Variants in CSNK1G1 observed in about 807,000 individuals in gnomAD.
CSNK1G1 encodes casein kinase I isoform gamma-1.
Under a neutral mutation model 59.6 loss-of-function variants are expected in CSNK1G1, and 22 were observed. That is an observed-to-expected ratio of 0.37 (90% CI 0.26 to 0.53). CSNK1G1 has a LOEUF of 0.53. Among genes scored for constraint, CSNK1G1 ranks in the 20% least tolerant of loss-of-function variants. The probability of loss-of-function intolerance (pLI) is 0.89; values close to 1 mark genes in which losing one functional copy is unlikely to be tolerated. For synonymous variants in CSNK1G1, 179 were observed against 177.1 expected (o/e 1.01, Z -0.08); for missense variants, 384 against 519.5 (o/e 0.74, Z 2.54).
rs780071536 is a variant in CSNK1G1, at chr15:64,207,537, C to G, written c.737G>C (p.Arg246Pro). The change falls in exon 7 of 12, where the codon CGA becomes CCA. Residue 246 changes from arginine to proline, a missense_variant. Physicochemically the swap from Arg to Pro is moderately radical, Grantham distance 103. Coordinates refer to ENST00000303052, the MANE Select transcript of CSNK1G1 (RefSeq NM_022048.5). ...ALGHMFMYFLRGSLPWQGLKA... is the reference protein window; with the variant it reads ...ALGHMFMYFLPGSLPWQGLKA... ...GAGTCCTTGCCAGGGGAGGCTGCCT[C>G]GAAGGAAATACATGAACATATGGCC... 1 of 1,613,874 alleles carries G rather than the reference C, an allele frequency of 6.2e-7. No individual in the cohort carries two copies. The highest frequency in any genetic ancestry group is 1.3e-5 in the African/African-American group (1 of 74,916).
At chr15:64,266,400 TA>T (rs1420619290) in intron 2 of CSNK1G1, among the ~76,000 whole-genome samples, 2 of 151,352 alleles carry the variant, frequency 1.3e-5, no homozygotes, top group Non-Finnish European at 2.9e-5. Context: ...TTAAAAAAAA[TA>T]AAAATAAAAA....
At chr15:64,304,939 CT>C (rs5813290) in intron 1 of CSNK1G1, among the ~76,000 whole-genome samples, 1 of 152,174 alleles carries the variant, frequency 6.6e-6, no homozygotes, top group Non-Finnish European at 1.5e-5. Context: ...CCACACATTG[CT>C]TTTGGTCCTC....
At chr15:64,346,305 C>CAA (rs947519704) in intron 1 of CSNK1G1, among the ~76,000 whole-genome samples, 2 of 132,428 alleles carry the variant, frequency 1.5e-5, no homozygotes, top group African/African-American at 5.5e-5. Flanking sequence ...TACACCTTTC[C>CAA]AAAAAAAAAA....
At chr15:64,178,478 T>A (rs145242713) in intron 11 of CSNK1G1, among the ~76,000 whole-genome samples, 1,689 of 143,328 alleles carry the variant, frequency 0.012, 25 homozygotes, top group African/African-American at 0.045. Context: ...CAAGCAAAAA[T>A]TTTCTTTTTT....
intron 10 of CSNK1G1, among the ~76,000 whole-genome samples, chr15:64,186,698 C>T (rs1432828840): frequency 6.6e-6 from 1 of 152,144 alleles, no homozygotes; most frequent in Admixed American, 6.5e-5. Flanking sequence ...TGTGTAGAGA[C>T]AATATCTTGC....
At chr15:64,277,845 TTAATAATAATATTGATATATTTAA>T (rs1566930408) in intron 2 of CSNK1G1, among the ~76,000 whole-genome samples, 3 of 137,652 alleles carry the variant, frequency 2.2e-5, no homozygotes, top group African/African-American at 7.9e-5. Context: ...ATTGATATAT[TTAATAATAATATTGATATATTTAA>T]TAATAATATT....
At chr15:64,286,397 C>CA (rs1894426023) in intron 2 of CSNK1G1, among the ~76,000 whole-genome samples, 2 of 139,354 alleles carry the variant, frequency 1.4e-5, no homozygotes, top group African/African-American at 5.2e-5. Context: ...ATATTGTTAA[C>CA]TCATATTGTT....
chr15:64,343,795 T>C (rs575601239), intron 1 of CSNK1G1, among the ~76,000 whole-genome samples: 6 of 151,072 alleles, frequency 4.0e-5, no homozygotes, highest in South Asian at 2.1e-4. Flanking sequence ...ATATCTTCAA[T>C]TTCTATATTA....
rs747607584 is a variant in CSNK1G1, at chr15:64,201,750, G to GTGTT, written c.1107+1331_1107+1332insAACA. On this transcript the variant is annotated intron_variant, in intron 10 of 11. Transcript: ENST00000303052. Reference sequence around the variant, plus strand: ...TGTGTGTGTGTGTGTGTGTGTGTGTGTTTATATACTATTCTTAACCTATAT... The same window carrying GTGTT: ...TGTGTGTGTGTGTGTGTGTGTGTGTGTGTTTTTATATACTATTCTTAACCTATAT... Among the ~76,000 whole-genome samples the GTGTT allele has an allele frequency of 9.4e-3, 1,004 of 106,258 alleles. 10 individuals are homozygous for GTGTT. Among genetic ancestry groups the GTGTT allele is most frequent in the African/African-American group, 0.036 (855 of 23,856 alleles). The allele number at this position is 106,258 out of a possible 152,430, so 69.7% of individuals were successfully genotyped here.
At chr15:64,190,865 T>C (rs776907106) in intron 10 of CSNK1G1, among the ~76,000 whole-genome samples, 25 of 152,218 alleles carry the variant, frequency 1.6e-4, no homozygotes, top group Non-Finnish European at 2.9e-4. Flanking sequence ...TTCAGTTCTC[T>C]AGAACTTTTT....
At chr15:64,308,348 C>T (rs1895800300) in intron 1 of CSNK1G1, among the ~76,000 whole-genome samples, 1 of 152,166 alleles carries the variant, frequency 6.6e-6, no homozygotes, top group South Asian at 2.1e-4. Context: ...ATCCTCCAGC[C>T]TTGGCCTCCC....
At chr15:64,277,897 GA>G (rs1566930488) in intron 2 of CSNK1G1, among the ~76,000 whole-genome samples, 11 of 128,816 alleles carry the variant, frequency 8.5e-5, no homozygotes, top group African/African-American at 3.1e-4. Flanking sequence ...TTAATATATT[GA>G]TATTGATATA....
In CSNK1G1 at chr15:64,188,689, A is replaced by G. The variant is rs8032157; in HGVS notation, c.1108-8235T>C. Among the ~76,000 whole-genome samples the G allele has an allele frequency of 0.066, 10,033 of 152,234 alleles. 1,767 individuals are homozygous for G. In the East Asian group the frequency reaches 0.77, roughly 12 times the overall value. The stretch of plus-strand genomic sequence containing the variant: ...CCTTAATGAGTCAATACATGAATCT[A>G]TATCACACCCTCCTTACCCAGAACC... On this transcript the variant is annotated intron_variant, in intron 10 of 11. Transcript: ENST00000303052. The surrounding 1 kb of genome is among the most constrained non-coding windows in gnomAD (Gnocchi z 4.2).
intron 1 of CSNK1G1, among the ~76,000 whole-genome samples, chr15:64,351,859 A>C (rs1218986989): frequency 6.6e-6 from 1 of 152,040 alleles, no homozygotes; most frequent in Non-Finnish European, 1.5e-5. Flanking sequence ...GGTAACAGAA[A>C]CTCCGTCTCA....
chr15:64,241,362 A>G (rs2082691433), intron 4 of CSNK1G1, among the ~76,000 whole-genome samples: 1 of 152,202 alleles, frequency 6.6e-6, no homozygotes, highest in African/African-American at 2.4e-5. Flanking sequence ...GAAAGATAAA[A>G]TATTATTGGA....
intron 1 of CSNK1G1, among the ~76,000 whole-genome samples, chr15:64,333,220 G>T (rs1897206345): frequency 8.4e-6 from 1 of 119,406 alleles, no homozygotes; most frequent in South Asian, 2.9e-4. Context: ...TTGCGCCATT[G>T]CACTCCAGAC....
intron 1 of CSNK1G1, among the ~76,000 whole-genome samples, chr15:64,340,341 T>C (rs1220442635): frequency 6.6e-6 from 1 of 152,248 alleles, no homozygotes; most frequent in African/African-American, 2.4e-5. Flanking sequence ...ATGATTTTTT[T>C]TTCTTTAGCA....
chr15:64,243,064 G>A (rs574105010), intron 4 of CSNK1G1, among the ~76,000 whole-genome samples: 7 of 152,018 alleles, frequency 4.6e-5, no homozygotes, highest in South Asian at 2.1e-4. Flanking sequence ...GGCTGGGCGC[G>A]GTGGCTCTCG....
intron 1 of CSNK1G1, among the ~76,000 whole-genome samples, chr15:64,352,740 T>C (rs1300222336): frequency 6.6e-6 from 1 of 151,466 alleles, no homozygotes; most frequent in Non-Finnish European, 1.5e-5. Flanking sequence ...CCACCATGCC[T>C]GGCCTAATTT....
Sources: allele counts gnomAD v4.1 joint callset (sites outside exome capture counted in the v4.1 genomes callset), GRCh38; gene constraint gnomAD v4.1.1; non-coding constraint Gnocchi (gnomAD v3.1); transcripts MANE v1.5; gene names NCBI Gene and HGNC (gene_info 2026-07-23, HGNC 2026-07-21).